LRMDA: variants seen among roughly 807,000 people sequenced by gnomAD.
LRMDA encodes leucine-rich melanocyte differentiation-associated protein.
A neutral mutation model predicts 29.8 loss-of-function variants in LRMDA; 18 were observed. That is an observed-to-expected ratio of 0.60 (90% CI 0.42 to 0.90). The LOEUF (loss-of-function observed/expected upper bound fraction) is 0.90. Among genes scored for constraint, LRMDA ranks in the 40% least tolerant of loss-of-function variants. LRMDA has a pLI of 0.00. For synonymous variants in LRMDA, 125 were observed against 109.4 expected, an observed-to-expected ratio of 1.14 and a Z score of -0.89; for missense variants, 273 against 273.9, an observed-to-expected ratio of 1.00 and a Z score of 0.02.
intron 2 of LRMDA, among the ~76,000 whole-genome samples, chr10:75,545,967 T>C (rs1017997618): frequency 1.3e-5 from 2 of 152,216 alleles, no homozygotes; most frequent in African/African-American, 4.8e-5. Context: ...AACTCTGTTA[T>C]GATGGTTATC....
At chr10:76,258,332 GGC>G in intron 5 of LRMDA, among the ~76,000 whole-genome samples, 1 of 151,628 alleles carries the variant, frequency 6.6e-6, no homozygotes. Flanking sequence ...TTTTTTACTT[GGC>G]ATATAATACT....
chr10:76,230,408 GTAGA>G (rs780263232), intron 5 of LRMDA, among the ~76,000 whole-genome samples: 5 of 152,010 alleles, frequency 3.3e-5, no homozygotes, highest in Non-Finnish European at 5.9e-5. Flanking sequence ...TCAAAAAAAA[GTAGA>G]TAGAAATCTG....
At chr10:76,447,776 C>G (rs1469833822) in intron 6 of LRMDA, among the ~76,000 whole-genome samples, 1 of 152,092 alleles carries the variant, frequency 6.6e-6, no homozygotes, top group Non-Finnish European at 1.5e-5. Context: ...GGCTTGTGTC[C>G]CTAAATCAGT....
intron 2 of LRMDA, among the ~76,000 whole-genome samples, chr10:75,890,152 G>A (rs1845459786): frequency 6.6e-6 from 1 of 152,186 alleles, no homozygotes; most frequent in Admixed American, 6.5e-5. Context: ...ATTGCAAAAG[G>A]AGAGGGCCCC....
intron 4 of LRMDA, among the ~76,000 whole-genome samples, chr10:76,056,456 G>A (rs530900011): frequency 6.6e-6 from 1 of 152,188 alleles, no homozygotes; most frequent in South Asian, 2.1e-4. Context: ...GCCTCCTGCT[G>A]CCAGCCATCA....
chr10:76,315,509 G>A (rs972858854), intron 5 of LRMDA, among the ~76,000 whole-genome samples: 12 of 152,326 alleles, frequency 7.9e-5, no homozygotes, highest in African/African-American at 2.9e-4. Context: ...GAGGGCTGTC[G>A]TGACTCAGCT....
At chr10:76,284,060 C>A (rs192053740) in intron 5 of LRMDA, among the ~76,000 whole-genome samples, 22 of 152,268 alleles carry the variant, frequency 1.4e-4, no homozygotes, top group Admixed American at 1.4e-3. Context: ...GAGCTCAGGT[C>A]ATTTCTTTTT....
chr10:75,775,219 T>C, intron 2 of LRMDA, among the ~76,000 whole-genome samples: 1 of 152,346 alleles, frequency 6.6e-6, no homozygotes, highest in African/African-American at 2.4e-5. Flanking sequence ...TTGGTCTGAC[T>C]CAAACAAGCA....
At chr10:75,462,667 TG>T (rs1844601390) in intron 2 of LRMDA, among the ~76,000 whole-genome samples, 1 of 152,170 alleles carries the variant, frequency 6.6e-6, no homozygotes, top group South Asian at 2.1e-4. Context: ...AGTAACAGGA[TG>T]AGGTTATCAG....
intron 5 of LRMDA, among the ~76,000 whole-genome samples, chr10:76,129,269 G>A (rs1849942452): frequency 6.6e-6 from 1 of 152,116 alleles, no homozygotes; most frequent in Non-Finnish European, 1.5e-5. Context: ...TTGGCCATTG[G>A]TGCTCCTCCA....
chr10:75,946,325 C>G (rs1463799591), intron 2 of LRMDA, among the ~76,000 whole-genome samples: 1 of 152,220 alleles, frequency 6.6e-6, no homozygotes, highest in Admixed American at 6.5e-5. Flanking sequence ...ATCCAAAGCA[C>G]TGTCACGCTA....
chr10:76,215,276 TCCTAGGA>T (rs1208551146), intron 5 of LRMDA, among the ~76,000 whole-genome samples: 1 of 152,180 alleles, frequency 6.6e-6, no homozygotes, highest in Admixed American at 6.5e-5. Context: ...CTTCTTGTGC[TCCTAGGA>T]CAGAGCAAGT....
intron 2 of LRMDA, among the ~76,000 whole-genome samples, chr10:75,608,852 C>A (rs940925977): frequency 1.3e-5 from 2 of 152,174 alleles, no homozygotes; most frequent in Non-Finnish European, 2.9e-5. Context: ...TCCAAAGAAT[C>A]CCTTTTTGGT....
At chr10:75,997,291 G>A (rs1487085460) in intron 2 of LRMDA, among the ~76,000 whole-genome samples, 1 of 151,968 alleles carries the variant, frequency 6.6e-6, no homozygotes, top group East Asian at 1.9e-4. Flanking sequence ...ATTGTTCTAG[G>A]CCTTTCACTT....
chr10:75,937,692 G>A (rs542183638), intron 2 of LRMDA, among the ~76,000 whole-genome samples: 1 of 152,284 alleles, frequency 6.6e-6, no homozygotes, highest in South Asian at 2.1e-4. Flanking sequence ...ATCTATAATG[G>A]TTTCTTACGA....
At chr10:75,538,868 C>T (rs758891182) in intron 2 of LRMDA, among the ~76,000 whole-genome samples, 8 of 152,126 alleles carry the variant, frequency 5.3e-5, no homozygotes, top group African/African-American at 9.7e-5. Context: ...TTCTGCTAGC[C>T]TCATGTGATA....
intron 5 of LRMDA, among the ~76,000 whole-genome samples, chr10:76,241,228 C>A (rs1305771045): frequency 6.6e-6 from 1 of 152,012 alleles, no homozygotes; most frequent in Non-Finnish European, 1.5e-5. Context: ...TTCATGTAAC[C>A]AAACACCACC....
At chr10:75,986,023 A>G (rs1241616379) in intron 2 of LRMDA, among the ~76,000 whole-genome samples, 2 of 152,220 alleles carry the variant, frequency 1.3e-5, no homozygotes, top group African/African-American at 4.8e-5. Flanking sequence ...AATTCAGAGC[A>G]TCCCTTTTAT....
At chr10:75,749,327 G>T (rs1842925523) in intron 2 of LRMDA, among the ~76,000 whole-genome samples, 1 of 151,970 alleles carries the variant, frequency 6.6e-6, no homozygotes, top group South Asian at 2.1e-4. Flanking sequence ...AGTACTTTTG[G>T]GGGAGCCAAA....
Sources: gnomAD v4.1 joint callset for allele counts (sites outside exome capture counted in the v4.1 genomes callset) on GRCh38, gnomAD v4.1.1 for gene constraint, MANE v1.5 for transcripts, NCBI Gene and HGNC (gene_info 2026-07-23, HGNC 2026-07-21) for gene names.